C10orf67: variants seen among roughly 807,000 people sequenced by gnomAD.
C10orf67 encodes the protein chromosome 10 open reading frame 67.
C10orf67 carries 60 observed loss-of-function variants against 35.6 expected under a neutral mutation model. The ratio of observed to expected loss-of-function variants is 1.68; its 90% confidence interval spans 1.37 to 2.09. The LOEUF is 2.09. C10orf67 is among the 30% of genes most tolerant of loss of function. The probability of loss-of-function intolerance (pLI) is 0.00; values close to 1 mark genes in which losing one functional copy is unlikely to be tolerated. For synonymous variants in C10orf67, 167 were observed against 115.8 expected (o/e 1.44, Z -2.84); for missense variants, 474 against 330.2 (o/e 1.44, Z -3.38).
intron 13 of C10orf67, among the ~76,000 whole-genome samples, chr10:23,231,000 C>G (rs1422518718): frequency 1.3e-5 from 2 of 152,124 alleles, no homozygotes; most frequent in African/African-American, 4.8e-5. Context: ...GGGTCTTGCT[C>G]TATTGCCCAG....
rs540654866 is a variant in C10orf67 at position 23,305,305 on chromosome 10, A to C, written c.547-1846T>G. ...ACACAGATATGCAGTTGAACAAATC[A>C]AGAAAAACAATGCATTAACAAAATT... On this transcript the variant is annotated intron_variant, in intron 4 of 15. Coordinates refer to ENST00000636213, the MANE Select transcript of C10orf67 (RefSeq NM_001371909.1). 5.3e-5 allele frequency among the ~76,000 whole-genome samples: 8 copies of C among 152,348 alleles called. No homozygotes were observed. In the South Asian group the frequency reaches 1.7e-3, roughly 32 times the overall value.
At chr10:23,253,857 G>T (rs556967810) in intron 10 of C10orf67, among the ~76,000 whole-genome samples, 1 of 151,902 alleles carries the variant, frequency 6.6e-6, no homozygotes, top group Non-Finnish European at 1.5e-5. Flanking sequence ...TGAAGATAAC[G>T]TCTCTTTTCA....
intron 15 of C10orf67, among the ~76,000 whole-genome samples, chr10:23,206,432 A>G (rs1841160488): frequency 6.6e-6 from 1 of 152,212 alleles, no homozygotes; most frequent in Admixed American, 6.5e-5. Context: ...ATGTATATAT[A>G]TGCACATGTA....
intron 8 of C10orf67, among the ~76,000 whole-genome samples, chr10:23,280,002 C>T (rs1173612587): frequency 2.0e-5 from 3 of 151,982 alleles, no homozygotes; most frequent in Non-Finnish European, 4.4e-5. Flanking sequence ...TGCAGGCATG[C>T]GCTACCATGC....
intron 13 of C10orf67, among the ~76,000 whole-genome samples, chr10:23,230,200 A>G (rs1841870461): frequency 6.6e-6 from 1 of 152,182 alleles, no homozygotes; most frequent in Non-Finnish European, 1.5e-5. Flanking sequence ...AGGTGGAATT[A>G]TATATCAAGG....
intron 13 of C10orf67, among the ~76,000 whole-genome samples, chr10:23,228,334 T>C (rs1841801966): frequency 6.6e-6 from 1 of 152,104 alleles, no homozygotes; most frequent in Admixed American, 6.6e-5. Context: ...AAACAAGAAA[T>C]GGGGAAAGGA....
At chr10:23,336,496 T>C (rs1230550404) in intron 1 of C10orf67, among the ~76,000 whole-genome samples, 1 of 152,176 alleles carries the variant, frequency 6.6e-6, no homozygotes, top group Non-Finnish European at 1.5e-5. Flanking sequence ...TGTTGGTTTC[T>C]TTTCTTTCTT....
At chr10:23,287,001 C>T (rs1350493043) in intron 7 of C10orf67, among the ~76,000 whole-genome samples, 1 of 152,168 alleles carries the variant, frequency 6.6e-6, no homozygotes, top group African/African-American at 2.4e-5. Context: ...AAAAAACATT[C>T]CATCCTTATG....
rs553443150 is a variant in C10orf67, at chr10:23,240,729, A to C, written c.1347-913T>G. Among the ~76,000 whole-genome samples, 8 of 152,354 alleles carry C rather than the reference A, an allele frequency of 5.3e-5. No homozygotes were observed. The East Asian group carries it at 1.5e-3, about 29-fold the overall frequency. On this transcript the variant is annotated intron_variant, in intron 12 of 15. Coordinates refer to ENST00000636213, the MANE Select transcript of C10orf67 (RefSeq NM_001371909.1). The stretch of plus-strand genomic sequence containing the variant: ...CTCACACAAAAGACTCTTTGAAGAG[A>C]TTAAATGTGTGACATCCCTTCAGCC...
At chr10:23,339,402 CAAAAA>C (rs34805547) in intron 1 of C10orf67, among the ~76,000 whole-genome samples, 12 of 72,324 alleles carry the variant, frequency 1.7e-4, no homozygotes, top group Non-Finnish European at 2.4e-4. Flanking sequence ...AAAAAGGCAG[CAAAAA>C]AAAAAAAAAA....
chr10:23,265,134 G>C (rs1253574944), intron 10 of C10orf67, among the ~76,000 whole-genome samples: 1 of 152,224 alleles, frequency 6.6e-6, no homozygotes, highest in East Asian at 1.9e-4. Context: ...TCTCTGCGAA[G>C]TGGAAATGCT....
At chr10:23,313,044 C>T (rs955697662) in intron 4 of C10orf67, among the ~76,000 whole-genome samples, 1 of 152,190 alleles carries the variant, frequency 6.6e-6, no homozygotes, top group South Asian at 2.1e-4. Context: ...ATCACCTCCC[C>T]ACCCTCTCTT....
At chr10:23,270,946 GA>G (rs1265174098) in intron 8 of C10orf67, among the ~76,000 whole-genome samples, 2 of 152,182 alleles carry the variant, frequency 1.3e-5, no homozygotes, top group Non-Finnish European at 2.9e-5. Context: ...CTCTCCCTGG[GA>G]CAGAGCCCCA....
At chr10:23,258,707 C>T (rs1842668305) in intron 10 of C10orf67, among the ~76,000 whole-genome samples, 1 of 152,180 alleles carries the variant, frequency 6.6e-6, no homozygotes, top group Non-Finnish European at 1.5e-5. Flanking sequence ...GTTAACTGAG[C>T]TTACAATGAG....
At chr10:23,329,797 C>CAAAAAAAAAAAAAAAAAAAAAAAAAA in intron 2 of C10orf67, among the ~76,000 whole-genome samples, 1 of 48,074 alleles carries the variant, frequency 2.1e-5, no homozygotes, top group Non-Finnish European at 3.5e-5. Context: ...GAACTTGTCT[C>CAAAAAAAAAAAAAAAAAAAAAAAAAA]AAAAAAAAAA....
intron 8 of C10orf67, among the ~76,000 whole-genome samples, chr10:23,269,159 T>C (rs1842957128): frequency 6.6e-6 from 1 of 152,250 alleles, no homozygotes; most frequent in Admixed American, 6.5e-5. Context: ...TATGACTATT[T>C]TGTCTTAATT....
intron 4 of C10orf67, among the ~76,000 whole-genome samples, chr10:23,319,348 A>T (rs1485104421): frequency 2.6e-5 from 4 of 152,038 alleles, no homozygotes; most frequent in Non-Finnish European, 1.5e-5. Context: ...ATTATTTTTT[A>T]TGGCTGTGTA....
chr10:23,296,017 T>C (rs1046567463), intron 5 of C10orf67, among the ~76,000 whole-genome samples: 2 of 152,342 alleles, frequency 1.3e-5, no homozygotes, highest in East Asian at 3.9e-4. Flanking sequence ...TTATCTCTTA[T>C]AACGTTGAAG....
intron 15 of C10orf67, among the ~76,000 whole-genome samples, chr10:23,221,555 G>T (rs1841581411): frequency 6.6e-6 from 1 of 152,160 alleles, no homozygotes; most frequent in Non-Finnish European, 1.5e-5. Flanking sequence ...GTGAAGATTA[G>T]CAATAATCTT....
Sources: allele counts gnomAD v4.1 joint callset (sites outside exome capture counted in the v4.1 genomes callset), GRCh38; gene constraint gnomAD v4.1.1; transcripts MANE v1.5; gene names NCBI Gene and HGNC (gene_info 2026-07-23, HGNC 2026-07-21).